OTOGL: variants seen among roughly 807,000 people sequenced by gnomAD.
OTOGL encodes the protein otogelin-like protein.
A neutral mutation model predicts 318.5 loss-of-function variants in OTOGL; 285 were observed. The observed-to-expected ratio is 0.89, with a 90% confidence interval of 0.81 to 0.99. The LOEUF is 0.99. Ranked by LOEUF, OTOGL falls within the 50% of genes least tolerant of loss-of-function variation. The pLI, the probability that OTOGL is intolerant of heterozygous loss-of-function variation, is 0.00. For synonymous variants in OTOGL, 987 were observed against 936.5 expected (o/e 1.05, Z -0.99); for missense variants, 2,899 against 2,845.6 (o/e 1.02, Z -0.43).
intron 11 of OTOGL, among the ~76,000 whole-genome samples, chr12:80,248,852 C>A (rs1198900023): frequency 1.3e-5 from 2 of 149,870 alleles, no homozygotes; most frequent in African/African-American, 2.5e-5. Flanking sequence ...TTCTTGGAGG[C>A]TTTGCTCATT....
chr12:80,232,896 A>C lies in OTOGL; in HGVS notation c.616A>C (p.Thr206Pro). 8 of 1,596,122 alleles carry C rather than the reference A, an allele frequency of 5.0e-6. No homozygotes were observed. The highest frequency in any genetic ancestry group is 6.8e-6 in the Non-Finnish European group (8 of 1,176,976). The change falls in exon 9 of 59, where the codon ACA becomes CCA. Residue 206 changes from threonine (T) to proline (P), a missense_variant. Thr to Pro is a conservative substitution (Grantham distance 38, BLOSUM62 -1). Coordinates refer to ENST00000547103, the MANE Select transcript of OTOGL (RefSeq NM_001378609.3). ...HEIKKNGISLTLPQTIGQIFI... is the reference protein window; with the variant it reads ...HEIKKNGISLPLPQTIGQIFI... The stretch of plus-strand genomic sequence containing the variant: ...GCTTTTGTTCTGTTTTTCAAGTTTA[A>C]CATTGCCTCAGACAATTGGACAGAT...
intron 19 of OTOGL, among the ~76,000 whole-genome samples, chr12:80,262,870 T>A (rs1413895479): frequency 6.6e-6 from 1 of 152,174 alleles, no homozygotes; most frequent in Non-Finnish European, 1.5e-5. Context: ...TATTTTTTCC[T>A]TTAATCATCT....
intron 1 of OTOGL, among the ~76,000 whole-genome samples, chr12:80,143,327 T>C (rs1311882165): frequency 6.6e-6 from 1 of 152,162 alleles, no homozygotes; most frequent in Non-Finnish European, 1.5e-5. Context: ...AATAAGGGAC[T>C]ATGGATCTGA....
At chr12:80,324,292 G>A (rs1320668148) in intron 35 of OTOGL, among the ~76,000 whole-genome samples, 1 of 152,190 alleles carries the variant, frequency 6.6e-6, no homozygotes, top group Non-Finnish European at 1.5e-5. Flanking sequence ...AGATCTAAAT[G>A]TAGTGAAGGC....
At chr12:80,118,791 C>A (rs1870315568) in intron 1 of OTOGL, among the ~76,000 whole-genome samples, 1 of 150,766 alleles carries the variant, frequency 6.6e-6, no homozygotes, top group Non-Finnish European at 1.5e-5. Context: ...CTGGAAAAGT[C>A]ATTTTATCAA....
At chr12:80,126,164 CT>C (rs1461543418) in intron 1 of OTOGL, among the ~76,000 whole-genome samples, 1 of 152,068 alleles carries the variant, frequency 6.6e-6, no homozygotes, top group African/African-American at 2.4e-5. Flanking sequence ...CCTGCTTTCT[CT>C]TGTGGGCATT....
intron 1 of OTOGL, chr12:80,103,095 A>G: frequency 9.0e-7 from 1 of 1,110,704 alleles, no homozygotes; most frequent in South Asian, 1.2e-5. Context: ...TTCAATGTAG[A>G]TAACATATTT....
chr12:80,311,855 A>C (rs1447091475), intron 30 of OTOGL, among the ~76,000 whole-genome samples: 2 of 152,180 alleles, frequency 1.3e-5, no homozygotes, highest in Non-Finnish European at 2.9e-5. Flanking sequence ...GGTTTTTGAT[A>C]CTTAATGAGT....
intron 1 of OTOGL, among the ~76,000 whole-genome samples, chr12:80,166,157 T>C (rs898331246): frequency 6.6e-6 from 1 of 151,996 alleles, no homozygotes; most frequent in Non-Finnish European, 1.5e-5. Context: ...TACAGTGTAG[T>C]ATAGTAGCTT....
Position 80,186,343 on chromosome 12 carries a change from C to T in OTOGL, c.-19-23070C>T, listed in dbSNP as rs534537595. Among the ~76,000 whole-genome samples the T allele has an allele frequency of 4.6e-5, 7 of 152,290 alleles. No individual in the cohort carries two copies. The South Asian group carries it at 1.2e-3, about 27-fold the overall frequency. On this transcript the variant is annotated intron_variant, in intron 1 of 58. Transcript: ENST00000547103. ...TCCTACTTAGCCGCGTCTCTCCCAT[C>T]AGGTGTCATCTTCCCTTTCTCTCTG...
At chr12:80,215,355 T>TG (rs1451152496) in intron 4 of OTOGL, among the ~76,000 whole-genome samples, 3 of 151,906 alleles carry the variant, frequency 2.0e-5, no homozygotes, top group Admixed American at 1.3e-4. Flanking sequence ...TTAGTAGAGA[T>TG]GGGGTTTCAC....
intron 1 of OTOGL, among the ~76,000 whole-genome samples, chr12:80,125,994 CT>C (rs1870810089): frequency 6.6e-6 from 1 of 152,088 alleles, no homozygotes; most frequent in Non-Finnish European, 1.5e-5. Context: ...AAACAAGCTC[CT>C]GGAATCATTG....
At chr12:80,235,389 T>C (rs1482662161) in intron 9 of OTOGL, among the ~76,000 whole-genome samples, 1 of 141,858 alleles carries the variant, frequency 7.0e-6, no homozygotes, top group Non-Finnish European at 1.5e-5. Context: ...TGCTTGAACA[T>C]GGGAGGTGGA....
rs1229645965 is a variant in OTOGL at position 80,311,805 on chromosome 12, G to C, written c.3450+1078G>C. Among the ~76,000 whole-genome samples the C allele has an allele frequency of 2.0e-5, 3 of 152,330 alleles. No homozygotes were observed. The East Asian group carries it at 5.8e-4, about 29-fold the overall frequency. ...AAAATTTACTTTCAAGGGAAAATTA[G>C]AGTTTTGTAAAAGTTAGATCCACCC... On this transcript the variant is annotated intron_variant, in intron 30 of 58. Coordinates refer to ENST00000547103, the MANE Select transcript of OTOGL (RefSeq NM_001378609.3).
At chr12:80,179,659 C>A (rs913347392) in intron 1 of OTOGL, among the ~76,000 whole-genome samples, 11 of 152,122 alleles carry the variant, frequency 7.2e-5, no homozygotes, top group African/African-American at 2.7e-4. Flanking sequence ...GTTGGACAGA[C>A]CATTGGTGTT....
chr12:80,221,173 G>A (rs576546766), intron 6 of OTOGL, among the ~76,000 whole-genome samples: 14 of 151,920 alleles, frequency 9.2e-5, no homozygotes, highest in Admixed American at 8.5e-4. Flanking sequence ...AAAAAAGGTA[G>A]GCATGACAAT....
chr12:80,281,829 T>A (rs1025930971), intron 26 of OTOGL, among the ~76,000 whole-genome samples: 2 of 151,854 alleles, frequency 1.3e-5, no homozygotes, highest in Non-Finnish European at 2.9e-5. Flanking sequence ...TAAATATATA[T>A]AAAAGGCTTA....
At chr12:80,323,865 A>C (rs1356988607) in intron 35 of OTOGL, 25 bp downstream of exon 35, 2 of 1,544,428 alleles carry the variant, frequency 1.3e-6, no homozygotes, top group African/African-American at 2.7e-5. Context: ...CCAATAAGTG[A>C]TCAAAGTCCA....
intron 1 of OTOGL, among the ~76,000 whole-genome samples, chr12:80,107,211 C>T (rs1033258807): frequency 2.6e-4 from 39 of 152,074 alleles, no homozygotes; most frequent in African/African-American, 9.2e-4. Context: ...AGCAACAAGC[C>T]TTTTGGAACT....
Sources: gnomAD v4.1 joint callset for allele counts (sites outside exome capture counted in the v4.1 genomes callset) on GRCh38, gnomAD v4.1.1 for gene constraint, MANE v1.5 for transcripts, NCBI Gene and HGNC (gene_info 2026-07-23, HGNC 2026-07-21) for gene names.